Variants in USP9X observed in about 807,000 individuals in gnomAD.
The protein encoded by USP9X is ubiquitin specific peptidase 9 X-linked.
USP9X carries 7 observed loss-of-function variants against 190.3 expected under a neutral mutation model. That is an observed-to-expected ratio of 0.04 (90% CI 0.02 to 0.07). The LOEUF (loss-of-function observed/expected upper bound fraction) is 0.07, where lower values mean the gene tolerates loss of function less well. USP9X is among the 10% of genes least tolerant of loss of function. USP9X has a pLI of 1.00. For synonymous variants in USP9X, 645 were observed against 659.5 expected (o/e 0.98, Z 0.34); for missense variants, 1,010 against 1,916.9 (o/e 0.53, Z 8.83).
At chrX:41,222,489 T>C (rs1244597028) in intron 38 of USP9X, among the ~76,000 whole-genome samples, 1 of 111,809 alleles carries the variant, frequency 8.9e-6, no homozygotes, top group Non-Finnish European at 1.9e-5. Flanking sequence ...AGTTTGGCTG[T>C]AGAGGAAAGA....
Position 41,197,358 on chromosome X carries a change from TG to T in USP9X, c.4234-4del. 2 of 347,318 alleles carry T rather than the reference TG, an allele frequency of 5.8e-6. No homozygotes were observed. The highest frequency in any genetic ancestry group is 4.3e-5 in the Admixed American group (1 of 23,116). The allele number at this position is 347,318 out of a possible 1,213,427, so 28.6% of individuals were successfully genotyped here. A position where few individuals can be genotyped will look rare whatever the true frequency, so the allele number is the denominator to read the frequency against. On this transcript the variant is annotated splice_polypyrimidine_tract_variant and splice_region_variant and intron_variant, in intron 28 of 44. Coordinates refer to ENST00000378308, the MANE Select transcript of USP9X (RefSeq NM_001039591.3). Reference sequence around the variant, plus strand: ...CCCCCCCCACCCCACCCCCCGCCTTTGGCAGGATGATGTTAAAAGAACAGGA... The same window carrying T: ...CCCCCCCCACCCCACCCCCCGCCTTTGCAGGATGATGTTAAAAGAACAGGA...
intron 3 of USP9X, among the ~76,000 whole-genome samples, chrX:41,130,727 C>CT (rs199527382): frequency 0.18 from 17,707 of 96,395 alleles, 1,473 homozygotes; most frequent in Admixed American, 0.25. Flanking sequence ...TTTTCTTTTT[C>CT]TTTTTTTTTT....
Position 41,123,474 on chromosome X carries a change from A to G in USP9X, c.-155A>G, listed in dbSNP as rs1331973170. 2.2e-6 allele frequency: 1 copy of G among 461,395 alleles called. No individual in the cohort carries two copies. The highest frequency in any genetic ancestry group is 3.7e-5 in the Admixed American group (1 of 26,734). The allele number at this position is 461,395 out of a possible 1,213,427, so 38.0% of individuals were successfully genotyped here. ...TTTTTCCCCTTTCTATTTGTAGGTT[A>G]TGCAATGGTCTCTGCAAGATGGTTT... On this transcript the variant is annotated 5_prime_UTR_variant, in exon 2 of 45. It removes an upstream start codon present in the reference 5' UTR. Transcript: ENST00000378308.
At chrX:41,206,930 G>A (rs1408254922) in intron 32 of USP9X, among the ~76,000 whole-genome samples, 1 of 107,874 alleles carries the variant, frequency 9.3e-6, no homozygotes, top group Non-Finnish European at 1.9e-5. Context: ...GGTTACAGGC[G>A]TGGGCCAACC....
chrX:41,222,947 C>T (rs189684212), intron 38 of USP9X, among the ~76,000 whole-genome samples: 6 of 111,378 alleles, frequency 5.4e-5, no homozygotes, highest in Admixed American at 9.6e-5. Context: ...TACAGTGAGC[C>T]GGTGTGATTG....
intron 36 of USP9X, 122 bp downstream of exon 36, chrX:41,217,465 C>A: frequency 1.2e-6 from 1 of 805,842 alleles, no homozygotes; most frequent in African/African-American, 2.1e-5. Flanking sequence ...AGAATAAAAA[C>A]TCTGGGTCAC....
chrX:41,194,521 A>G (rs1037012407), intron 26 of USP9X, among the ~76,000 whole-genome samples: 5 of 111,252 alleles, frequency 4.5e-5, no homozygotes, highest in African/African-American at 1.6e-4. Context: ...GCCATTGCAC[A>G]CCAGCCTGGG....
rs1309747537 is a variant in USP9X, at chrX:41,184,107, A to G, written c.3258A>G (p.Ser1086=). The change falls in exon 22 of 45, where the codon TCA becomes TCG. Residue 1086 remains serine, a synonymous_variant. Coordinates refer to ENST00000378308, the MANE Select transcript of USP9X (RefSeq NM_001039591.3). ...CACTTTTCTTTGGTCCTTCAGCCTC[A>G]CAAGTGCTATATCTAACAGAGGTTA... The part of the protein sequence containing the change: ...LDSLFFGPSA[S]QVLYLTEVVY... The G allele has an allele frequency of 2.5e-6, 3 of 1,206,516 alleles. No homozygotes were observed. The Admixed American group carries it at 6.6e-5, about 27-fold the overall frequency.
At chrX:41,091,776 A>G (rs1401183711) in intron 1 of USP9X, among the ~76,000 whole-genome samples, 1 of 111,777 alleles carries the variant, frequency 8.9e-6, no homozygotes, top group African/African-American at 3.3e-5. Context: ...TAACTTGACC[A>G]AGATAGCATG....
In USP9X at chrX:41,223,813, A is replaced by G. The variant is rs372401411; in HGVS notation, c.6751+411A>G. On this transcript the variant is annotated intron_variant, in intron 39 of 44. Transcript: ENST00000378308. ...TGGAGGAAGATTTTTGCTTTGGAATATTTTAGCCCTGTACCTTTTTTACGT... is the reference window on the plus strand; with the variant it reads ...TGGAGGAAGATTTTTGCTTTGGAATGTTTTAGCCCTGTACCTTTTTTACGT... Among the ~76,000 whole-genome samples, 12 of 111,592 alleles carry G rather than the reference A, an allele frequency of 1.1e-4. No homozygotes were observed. In the East Asian group the frequency reaches 3.4e-3, roughly 31 times the overall value.
At chrX:41,210,359 C>A in intron 32 of USP9X, 150 bp from the exon 33 acceptor site, 1 of 552,571 alleles carries the variant, frequency 1.8e-6, no homozygotes, top group Non-Finnish European at 2.9e-6. Context: ...TCTTTTTTTC[C>A]TACTTTTTCC....
At chrX:41,151,709 G>C (rs1224188497) in intron 13 of USP9X, among the ~76,000 whole-genome samples, 1 of 112,486 alleles carries the variant, frequency 8.9e-6, no homozygotes, top group African/African-American at 3.2e-5. Flanking sequence ...GGCCTGGTGC[G>C]GTGGCTCACG....
intron 1 of USP9X, among the ~76,000 whole-genome samples, chrX:41,102,696 T>C: frequency 8.9e-6 from 1 of 111,980 alleles, no homozygotes; most frequent in Non-Finnish European, 1.9e-5. Flanking sequence ...TTCTTTTCAG[T>C]GTATTGGGTT....
intron 1 of USP9X, among the ~76,000 whole-genome samples, chrX:41,120,062 A>G (rs2062178680): frequency 8.9e-6 from 1 of 111,747 alleles, no homozygotes. Flanking sequence ...TAGACTCACC[A>G]GTACTTGATA....
At chrX:41,180,106 A>G (rs764000372) in intron 21 of USP9X, among the ~76,000 whole-genome samples, 9 of 111,913 alleles carry the variant, frequency 8.0e-5, no homozygotes, top group Non-Finnish European at 1.7e-4. Flanking sequence ...TTCTGCTTTT[A>G]TTACCTCCAT....
intron 44 of USP9X, among the ~76,000 whole-genome samples, chrX:41,231,880 A>G (rs901845087): frequency 4.5e-5 from 5 of 111,751 alleles, no homozygotes; most frequent in Non-Finnish European, 7.5e-5. Flanking sequence ...ACCCTGAGAA[A>G]GCTCTTATGT....
chrX:41,089,903 GTTTTTTTTTTTTT>G (rs139093155), intron 1 of USP9X, among the ~76,000 whole-genome samples: 4 of 30,326 alleles, frequency 1.3e-4, no homozygotes, highest in Non-Finnish European at 1.7e-4. Flanking sequence ...ATCTATGAGG[GTTTTTTTTTTTTT>G]TTTTTTTTTT....
At chrX:41,125,045 G>T (rs2062224687) in intron 2 of USP9X, among the ~76,000 whole-genome samples, 1 of 111,410 alleles carries the variant, frequency 9.0e-6, no homozygotes, top group Admixed American at 9.5e-5. Flanking sequence ...ATCTGGCCTG[G>T]GGTTTTATTT....
intron 32 of USP9X, among the ~76,000 whole-genome samples, chrX:41,208,240 G>C (rs1416815140): frequency 9.0e-6 from 1 of 111,363 alleles, no homozygotes; most frequent in African/African-American, 3.3e-5. Flanking sequence ...CATCAGGCTG[G>C]TCTTGAACTC....
Sources: gnomAD v4.1 joint callset for allele counts (sites outside exome capture counted in the v4.1 genomes callset) on GRCh38, gnomAD v4.1.1 for gene constraint, MANE v1.5 for transcripts, NCBI Gene and HGNC (gene_info 2026-07-23, HGNC 2026-07-21) for gene names.